The following SRCIN1 variants were observed in gnomAD, a reference collection of about 807,000 sequenced individuals.
SRCIN1 encodes the protein P130Cas-associated protein.
SRCIN1 carries 50 observed loss-of-function variants against 116.2 expected under a neutral mutation model. The observed-to-expected ratio is 0.43, with a 90% CI of 0.34 to 0.54. The LOEUF (loss-of-function observed/expected upper bound fraction) is 0.54, where lower values mean the gene tolerates loss of function less well. Among genes scored for constraint, SRCIN1 ranks in the 20% least tolerant of loss-of-function variants. The pLI is 0.02. For synonymous variants in SRCIN1, 736 were observed against 750.0 expected (o/e 0.98, Z 0.30); for missense variants, 1,446 against 1,672.0 (o/e 0.86, Z 2.36).
rs1044451308 is a variant in SRCIN1 at position 38,532,625 on chromosome 17, CTCTCAAACTCCGGCCTCG to C, written c.*654_*671del. The C allele has an allele frequency of 3.9e-5, 6 of 152,364 alleles. No individual in the cohort carries two copies. The highest frequency in any genetic ancestry group is 7.3e-5 in the Non-Finnish European group (5 of 68,158). The allele number at this position is 152,364 out of a possible 1,614,324, so 9.4% of individuals were successfully genotyped here. A position where few individuals can be genotyped will look rare whatever the true frequency, so the allele number is the denominator to read the frequency against. On this transcript the variant is annotated 3_prime_UTR_variant, in exon 19 of 19. Coordinates refer to ENST00000617146, the MANE Select transcript of SRCIN1 (RefSeq NM_025248.3). This position sits in a 1 kb window ranked among gnomAD's most constrained non-coding sequence, Gnocchi z 4.3. The stretch of plus-strand genomic sequence containing the variant: ...CATGGCCTCACACCCACCCTGAGGC[CTCTCAAACTCCGGCCTCG>C]TCTCCAGCCTGTCCGTCTCTACTCC...
At position 38,563,320 on chromosome 17, in the gene SRCIN1, C is replaced by T. The variant is rs1392202499; in HGVS notation, c.740+3G>A. The T allele has an allele frequency of 1.5e-5, 24 of 1,568,322 alleles. No homozygotes were observed. Among genetic ancestry groups the T allele is most frequent in the Non-Finnish European group, 2.1e-5 (24 of 1,156,140 alleles). On this transcript the variant is annotated splice_donor_region_variant and intron_variant, in intron 5 of 18. Coordinates refer to ENST00000617146, the MANE Select transcript of SRCIN1 (RefSeq NM_025248.3). This position sits in a 1 kb window ranked among gnomAD's most constrained non-coding sequence, Gnocchi z 5.8. ...ACCCAAATCCCCCCCGGTCCACGCC[C>T]ACCGGACGTCCTCCAGCTCGTAGAA...
intron 1 of SRCIN1, among the ~76,000 whole-genome samples, chr17:38,601,640 ACACACACACACACGCTCGCGCG>A (rs1032352139): frequency 8.9e-5 from 11 of 123,548 alleles, no homozygotes; most frequent in South Asian, 7.6e-4. Flanking sequence ...ACACACACGC[ACACACACACACACGCTCGCGCG>A]CACACACACA....
chr17:38,565,149 C>G (rs979197849), intron 3 of SRCIN1, among the ~76,000 whole-genome samples: 1 of 151,962 alleles, frequency 6.6e-6, no homozygotes, highest in African/African-American at 2.4e-5. Context: ...TGGCTCTCTC[C>G]GTGGGGGAGG....
intron 7 of SRCIN1, among the ~76,000 whole-genome samples, chr17:38,560,732 C>T (rs1460428732): frequency 6.6e-6 from 1 of 152,182 alleles, no homozygotes; most frequent in Non-Finnish European, 1.5e-5. Context: ...CCGAGGAACG[C>T]CTCCTTCCAT....
chr17:38,566,877 C>T (rs1906733180), intron 3 of SRCIN1, among the ~76,000 whole-genome samples: 1 of 147,484 alleles, frequency 6.8e-6, no homozygotes, highest in Non-Finnish European at 1.5e-5. Context: ...TTCCTTCCTT[C>T]CTTCCTTCCT....
intron 2 of SRCIN1, among the ~76,000 whole-genome samples, chr17:38,577,347 T>C (rs1426888879): frequency 6.6e-6 from 1 of 152,118 alleles, no homozygotes; most frequent in East Asian, 1.9e-4. Flanking sequence ...CTCTCTCTAA[T>C]CCTGATCTGC....
At position 38,564,271 on chromosome 17, in the gene SRCIN1, C is replaced by A; in HGVS notation, c.388G>T (p.Ala130Ser). The A allele has an allele frequency of 1.3e-6, 2 of 1,572,432 alleles. No homozygotes were observed. Among genetic ancestry groups the A allele is most frequent in the Non-Finnish European group, 1.7e-6 (2 of 1,162,118 alleles). ...TAGGACAGCTTTGCCGCCTGGTCTG[C>A]CAGCCCGGGCTGGGCTCCCTGAGTG... ...RHTQGAQPGL[A>S]DQAAKLSYAS... Residue 130 changes from alanine to serine, a missense_variant, in exon 4 of 19, where the codon GCA (alanine) becomes TCA (serine). Ala to Ser is a moderately conservative substitution (Grantham distance 99). Around this residue, in one of 5 missense-constraint regions of SRCIN1, gnomAD observed 246 missense variants for 265.1 expected, o/e 0.93. Coordinates refer to ENST00000617146, the MANE Select transcript of SRCIN1 (RefSeq NM_025248.3).
In SRCIN1 at chr17:38,568,354, T is replaced by C; in HGVS notation, c.325-123A>G. ...GCCCTAGGACAAGGGCCCTCCACCC[T>C]CCCAGGAGCAGGAATGAAGTCATGC... On this transcript the variant is annotated intron_variant, in intron 2 of 18. Coordinates refer to ENST00000617146, the MANE Select transcript of SRCIN1 (RefSeq NM_025248.3). The surrounding 1 kb of genome is among the most constrained non-coding windows in gnomAD (Gnocchi z 4.5). 1 of 906,342 alleles carries C rather than the reference T, an allele frequency of 1.1e-6. No individual in the cohort carries two copies. The highest frequency in any genetic ancestry group is 1.8e-6 in the Non-Finnish European group (1 of 563,002). The allele number at this position is 906,342 out of a possible 1,614,324, so 56.1% of individuals were successfully genotyped here.
In SRCIN1 at chr17:38,543,734, C is replaced by T. The variant is rs573141342; in HGVS notation, c.3417+89G>A. 252 of 1,510,566 alleles carry T rather than the reference C, an allele frequency of 1.7e-4. 2 individuals are homozygous for T. Among genetic ancestry groups the T allele is most frequent in the South Asian group, 6.7e-4 (52 of 77,938 alleles). 93.6% of individuals were successfully genotyped at this position (1,510,566 alleles called of 1,614,324 possible). On this transcript the variant is annotated intron_variant, in intron 18 of 18. Transcript: ENST00000617146. ...GGGAAGAGGTTGGGAAAGCTGGTCA[C>T]GGGAGCAGGGGCAGGAGATGCCCAG...
At chr17:38,539,679 G>A (rs1022305712) in intron 18 of SRCIN1, among the ~76,000 whole-genome samples, 1 of 152,108 alleles carries the variant, frequency 6.6e-6, no homozygotes, top group African/African-American at 2.4e-5. Context: ...GATGTCCATG[G>A]GTACCTCGGC....
chr17:38,539,755 G>A (rs1377152349), intron 18 of SRCIN1, among the ~76,000 whole-genome samples: 5 of 151,960 alleles, frequency 3.3e-5, no homozygotes, highest in Admixed American at 6.6e-5. Context: ...ATCTGGGGCC[G>A]GACGCAATGG....
rs913206175 is a variant in SRCIN1, at chr17:38,602,299, G to A, written c.22+3385C>T. ...AGAGCTTGGAATGAAAGAAGGGGAA[G>A]CGAGTACAGCCCTCAAACCCGCTGA... On this transcript the variant is annotated intron_variant, in intron 1 of 18. Coordinates refer to ENST00000617146, the MANE Select transcript of SRCIN1 (RefSeq NM_025248.3). This position sits in a 1 kb window ranked among gnomAD's most constrained non-coding sequence, Gnocchi z 4.2. 5.9e-5 allele frequency: 9 copies of A among 152,230 alleles called. No individual in the cohort carries two copies. Among genetic ancestry groups the A allele is most frequent in the African/African-American group, 2.2e-4 (9 of 41,428 alleles). The allele number at this position is 152,230 out of a possible 1,614,324, so 9.4% of individuals were successfully genotyped here.
chr17:38,598,166 A>G (rs1243070887), intron 1 of SRCIN1, among the ~76,000 whole-genome samples: 2 of 152,092 alleles, frequency 1.3e-5, no homozygotes, highest in Non-Finnish European at 2.9e-5. Context: ...ACAGAGTCCT[A>G]ACTTTCCATG....
Position 38,543,913 on chromosome 17 carries a change from C to T in SRCIN1, c.3327G>A (p.Leu1109=), listed in dbSNP as rs1904910816. The T allele has an allele frequency of 2.5e-6, 4 of 1,603,812 alleles. No individual in the cohort carries two copies. Among genetic ancestry groups the T allele is most frequent in the Non-Finnish European group, 3.4e-6 (4 of 1,178,852 alleles). ...MKVVTPGASR[L]KAAQGQAGSP... ...TGCCCGCCTGGCCCTGGGCCGCCTT[C>T]AGCCGAGAGGCCCCCGGAGTCACCA... Residue 1109 remains leucine, a synonymous_variant, in exon 18 of 19, where the codon CTG becomes CTA. Transcript: ENST00000617146.
chr17:38,532,446 C>T lies in SRCIN1; in HGVS notation c.*851G>A, dbSNP rs983253171. 1 of 152,838 alleles carries T rather than the reference C, an allele frequency of 6.5e-6. No individual in the cohort carries two copies. 9.5% of individuals were successfully genotyped at this position (152,838 alleles called of 1,614,324 possible). The stretch of plus-strand genomic sequence containing the variant: ...CAGGAAACTAAAAGTACCAAATACC[C>T]GTCCGGGCCGCCCTCTCCCAAGGCA... On this transcript the variant is annotated 3_prime_UTR_variant, in exon 19 of 19. Transcript: ENST00000617146. The surrounding 1 kb of genome is among the most constrained non-coding windows in gnomAD (Gnocchi z 4.3).
intron 18 of SRCIN1, among the ~76,000 whole-genome samples, chr17:38,540,743 GTGT>G (rs1904681778): frequency 1.0e-5 from 1 of 98,900 alleles, no homozygotes; most frequent in Non-Finnish European, 2.2e-5. Context: ...TGGCAGGGGT[GTGT>G]GTGTGTGTGT....
rs1345795522 is a variant in SRCIN1 at position 38,572,376 on chromosome 17, G to T, written c.325-4145C>A. Among the ~76,000 whole-genome samples the T allele has an allele frequency of 2.0e-5, 3 of 151,844 alleles. No individual in the cohort carries two copies. The highest frequency in any genetic ancestry group is 7.3e-5 in the African/African-American group (3 of 41,320). ...TGTGTGTGTGGGTGGGTGGGTGGGG[G>T]TGCTGTGGGACGCTGGGGAAGAGGG... On this transcript the variant is annotated intron_variant, in intron 2 of 18. Coordinates refer to ENST00000617146, the MANE Select transcript of SRCIN1 (RefSeq NM_025248.3). The surrounding 1 kb of genome is among the most constrained non-coding windows in gnomAD (Gnocchi z 4.3).
At chr17:38,590,374 T>G (rs1908375555) in intron 1 of SRCIN1, among the ~76,000 whole-genome samples, 1 of 152,244 alleles carries the variant, frequency 6.6e-6, no homozygotes, top group Admixed American at 6.5e-5. Flanking sequence ...TAGCTGGGAC[T>G]ACAGGCCCGT....
At chr17:38,578,402 G>A in intron 2 of SRCIN1, 88 bp downstream of exon 2, 1 of 1,427,282 alleles carries the variant, frequency 7.0e-7, no homozygotes. Context: ...GTTGGAATGA[G>A]CCTGGGGACA....
Sources: gnomAD v4.1 joint callset for allele counts (sites outside exome capture counted in the v4.1 genomes callset) on GRCh38, gnomAD v4.1.1 for gene constraint, gnomAD v4.1.1 regional missense constraint, Gnocchi (gnomAD v3.1) non-coding constraint, MANE v1.5 for transcripts, NCBI Gene and HGNC (gene_info 2026-07-23, HGNC 2026-07-21) for gene names.